The following CHODL variants were observed in gnomAD, a reference collection of about 807,000 sequenced individuals.
CHODL encodes the protein chondrolectin, also known as transmembrane protein MT75.
In CHODL, 29 loss-of-function variants were observed where a neutral mutation model predicts 34.5. That is an observed-to-expected ratio of 0.84 (90% confidence interval 0.63 to 1.15). The LOEUF is 1.15. Ranked by LOEUF, CHODL falls within the 50% of genes most tolerant of loss-of-function variation. The pLI is 0.00. For missense variants in CHODL, 332 were observed against 332.5 expected (o/e 1.00, Z 0.01); for synonymous variants, 125 against 116.1 (o/e 1.08, Z -0.49).
At chr21:18,001,267 T>A (rs1188106118) in intron 1 of CHODL, among the ~76,000 whole-genome samples, 1 of 152,198 alleles carries the variant, frequency 6.6e-6, no homozygotes. Context: ...AGAAGACATT[T>A]TCAGTTAATG....
intron 1 of CHODL, among the ~76,000 whole-genome samples, chr21:18,020,353 A>G (rs187056979): frequency 1.3e-5 from 2 of 152,266 alleles, no homozygotes; most frequent in Admixed American, 1.3e-4. Context: ...ATACCTGTAA[A>G]ATGACTGAAA....
intron 2 of CHODL, among the ~76,000 whole-genome samples, chr21:18,145,240 T>C (rs1215052443): frequency 1.7e-5 from 1 of 59,328 alleles, no homozygotes; most frequent in Non-Finnish European, 3.4e-5. Context: ...ATCGAGACCA[T>C]CCTGGCTAAC....
At position 18,028,277 on chromosome 21, in the gene CHODL, C is replaced by CTTTTCCTTTT. The variant is rs377144650; in HGVS notation, c.-45+306_-45+307insTTTTCCTTTT. Among the ~76,000 whole-genome samples the CTTTTCCTTTT allele has an allele frequency of 1.3e-4, 13 of 98,998 alleles. 2 individuals are homozygous for CTTTTCCTTTT. Among genetic ancestry groups the CTTTTCCTTTT allele is most frequent in the African/African-American group, 5.3e-4 (13 of 24,684 alleles). 64.9% of individuals were successfully genotyped at this position (98,998 alleles called of 152,430 possible). A position where few individuals can be genotyped will look rare whatever the true frequency, so the allele number is the denominator to read the frequency against. On this transcript the variant is annotated intron_variant, in intron 2 of 6. Transcript: ENST00000400127. Reference sequence around the variant, plus strand: ...CCTTTTCTTTTTCTTTTTCCTTTTCCCCTTCCTTCCTTCCTTCCTTCCTTC... The same window carrying CTTTTCCTTTT: ...CCTTTTCTTTTTCTTTTTCCTTTTCCTTTTCCTTTTCCTTCCTTCCTTCCTTCCTTCCTTC...
intron 2 of CHODL, among the ~76,000 whole-genome samples, chr21:18,136,300 A>G (rs1410866233): frequency 6.6e-6 from 1 of 152,116 alleles, no homozygotes; most frequent in Non-Finnish European, 1.5e-5. Context: ...GATTACTTCT[A>G]TTTTTAATGG....
At chr21:17,973,277 C>G (rs2063631398) in intron 1 of CHODL, among the ~76,000 whole-genome samples, 1 of 152,070 alleles carries the variant, frequency 6.6e-6, no homozygotes, top group Non-Finnish European at 1.5e-5. Flanking sequence ...CAACAAAAGC[C>G]AAAATTGACA....
intron 2 of CHODL, among the ~76,000 whole-genome samples, chr21:18,234,019 T>C (rs546303759): frequency 1.9e-4 from 29 of 152,300 alleles, no homozygotes; most frequent in African/African-American, 6.7e-4. Flanking sequence ...CTTCTTAAAA[T>C]GCTGGAATAA....
intron 2 of CHODL, among the ~76,000 whole-genome samples, chr21:18,159,821 C>T (rs943650807): frequency 1.3e-5 from 2 of 152,152 alleles, no homozygotes; most frequent in Admixed American, 6.5e-5. Flanking sequence ...GAGAAGGATT[C>T]GACCTGCTGG....
At chr21:18,014,936 C>A (rs1034529083) in intron 1 of CHODL, among the ~76,000 whole-genome samples, 2 of 152,090 alleles carry the variant, frequency 1.3e-5, no homozygotes, top group African/African-American at 4.8e-5. Flanking sequence ...TATAAAGATA[C>A]CTGAAAATAT....
chr21:18,023,439 A>G (rs2064145929), intron 1 of CHODL, among the ~76,000 whole-genome samples: 1 of 152,082 alleles, frequency 6.6e-6, no homozygotes, highest in African/African-American at 2.4e-5. Context: ...GGGGTGGGAA[A>G]AGCGTGGGCC....
At chr21:18,097,062 G>T (rs1483436081) in intron 2 of CHODL, among the ~76,000 whole-genome samples, 1 of 152,010 alleles carries the variant, frequency 6.6e-6, no homozygotes, top group Non-Finnish European at 1.5e-5. Flanking sequence ...GGTATAGAAG[G>T]AATATATCTC....
At chr21:18,057,709 AC>A (rs1231097145) in intron 2 of CHODL, among the ~76,000 whole-genome samples, 1 of 151,672 alleles carries the variant, frequency 6.6e-6, no homozygotes, top group Non-Finnish European at 1.5e-5. Context: ...ATCTTATATA[AC>A]CCTGAAAGTC....
intron 1 of CHODL, among the ~76,000 whole-genome samples, chr21:18,023,316 G>T (rs894335148): frequency 1.3e-5 from 2 of 152,080 alleles, no homozygotes; most frequent in African/African-American, 2.4e-5. Flanking sequence ...TGAAAAACTG[G>T]GTGGCCAGTT....
At position 17,973,834 on chromosome 21, in the gene CHODL, A is replaced by T. The variant is rs139320273; in HGVS notation, c.-144-54038A>T. Among the ~76,000 whole-genome samples, 435 of 149,940 alleles carry T rather than the reference A, an allele frequency of 2.9e-3. 4 individuals are homozygous for T. Among genetic ancestry groups the T allele is most frequent in the African/African-American group, 0.01 (427 of 40,942 alleles). On this transcript the variant is annotated intron_variant, in intron 1 of 6. Coordinates refer to the CHODL transcript ENST00000400127. ...AAAAAAAAAGGACCTCAGAAAAGGG[A>T]CTACTTAGGAATTAGTAACACTATT...
chr21:18,200,671 C>T (rs1007928171), intron 2 of CHODL, among the ~76,000 whole-genome samples: 4 of 152,072 alleles, frequency 2.6e-5, no homozygotes, highest in Non-Finnish European at 5.9e-5. Flanking sequence ...TAATTGGAAC[C>T]GGTAGTGAGT....
In CHODL at chr21:18,174,331, T is replaced by A. The variant is rs906551833; in HGVS notation, c.-44-82178T>A. Among the ~76,000 whole-genome samples the A allele has an allele frequency of 3.3e-4, 50 of 151,586 alleles. 1 individual carries two copies. The highest frequency in any genetic ancestry group is 1.0e-3 in the South Asian group (5 of 4,804). The stretch of plus-strand genomic sequence containing the variant: ...AAATAATTTTTTCTTGCAATTTTTT[T>A]ATACTAGGTAAAGTGCTATTCCAAG... On this transcript the variant is annotated intron_variant, in intron 2 of 6. Coordinates refer to the CHODL transcript ENST00000400127.
chr21:18,059,671 G>C lies in CHODL; in HGVS notation c.-45+31700G>C, dbSNP rs568411787. On this transcript the variant is annotated intron_variant, in intron 2 of 6. Transcript: ENST00000400127. The stretch of plus-strand genomic sequence containing the variant: ...TCCCCAGCACCCCCAATAGGGCCCA[G>C]TGTGAGTTGTTCCCCCTGACGTGTC... Among the ~76,000 whole-genome samples the C allele has an allele frequency of 1.5e-4, 23 of 152,176 alleles. No individual in the cohort carries two copies. In the South Asian group the frequency reaches 4.6e-3, roughly 30 times the overall value.
intron 2 of CHODL, among the ~76,000 whole-genome samples, chr21:18,068,974 A>G (rs1408909998): frequency 6.6e-6 from 1 of 152,170 alleles, no homozygotes; most frequent in Non-Finnish European, 1.5e-5. Flanking sequence ...TCCAAGCTCC[A>G]GTTCCCAGAA....
intron 2 of CHODL, among the ~76,000 whole-genome samples, chr21:18,181,259 C>T (rs1302524159): frequency 6.6e-6 from 1 of 152,156 alleles, no homozygotes; most frequent in Non-Finnish European, 1.5e-5. Context: ...TGGAATATAA[C>T]TCACATATAA....
At chr21:18,126,068 A>G (rs1032336198) in intron 2 of CHODL, among the ~76,000 whole-genome samples, 12 of 152,224 alleles carry the variant, frequency 7.9e-5, no homozygotes, top group African/African-American at 2.9e-4. Context: ...AGGCTAAGGC[A>G]GAAAGATCCC....
Sources: allele counts gnomAD v4.1 joint callset (sites outside exome capture counted in the v4.1 genomes callset), GRCh38; gene constraint gnomAD v4.1.1; transcripts MANE v1.5; gene names NCBI Gene and HGNC (gene_info 2026-07-23, HGNC 2026-07-21).